Variants in DNAH14 observed in about 807,000 individuals in gnomAD.
The protein encoded by DNAH14 is axonemal beta dynein heavy chain 14.
DNAH14 carries 478 observed loss-of-function variants against 520.9 expected under a neutral mutation model. That is an observed-to-expected ratio of 0.92 (90% CI 0.85 to 0.99). The LOEUF (loss-of-function observed/expected upper bound fraction) is 0.99, where lower values mean the gene tolerates loss of function less well. DNAH14 is among the 50% of genes least tolerant of loss of function. The pLI, the probability that DNAH14 is intolerant of heterozygous loss-of-function variation, is 0.00. For synonymous variants in DNAH14, 1,581 were observed against 1,757.2 expected (o/e 0.90, Z 2.51); for missense variants, 4,831 against 5,234.5 (o/e 0.92, Z 2.38).
intron 30 of DNAH14, 82 bp from the exon 31 acceptor site, chr1:225,147,022 G>A (rs1266208465): frequency 3.5e-6 from 4 of 1,135,102 alleles, no homozygotes; most frequent in African/African-American, 1.6e-5. Flanking sequence ...AGCATGGGGA[G>A]AACACATACA....
chr1:225,113,622 G>C (rs1378383794), intron 23 of DNAH14, among the ~76,000 whole-genome samples: 1 of 152,196 alleles, frequency 6.6e-6, no homozygotes, highest in Non-Finnish European at 1.5e-5. Context: ...CTGGGAACCA[G>C]TATCTATAGT....
At chr1:224,976,146 C>G (rs2061822470) in intron 8 of DNAH14, among the ~76,000 whole-genome samples, 1 of 151,882 alleles carries the variant, frequency 6.6e-6, no homozygotes. Flanking sequence ...TTACTTCCAA[C>G]TATGTGGTCA....
At chr1:225,216,054 T>C (rs1187439726) in intron 41 of DNAH14, among the ~76,000 whole-genome samples, 1 of 152,232 alleles carries the variant, frequency 6.6e-6, no homozygotes, top group Admixed American at 6.5e-5. Context: ...TTTCCATGTT[T>C]AGTGCTTCCT....
At chr1:224,986,099 C>T (rs2062616048) in intron 8 of DNAH14, among the ~76,000 whole-genome samples, 1 of 151,662 alleles carries the variant, frequency 6.6e-6, no homozygotes, top group African/African-American at 2.4e-5. Context: ...CCTGAAAATA[C>T]CAGTAACAAG....
chr1:225,285,268 G>A (rs1392657532), intron 54 of DNAH14, among the ~76,000 whole-genome samples: 1 of 152,158 alleles, frequency 6.6e-6, no homozygotes, highest in African/African-American at 2.4e-5. Flanking sequence ...AAATAAACAG[G>A]CCAGGCATGG....
At chr1:225,030,230 A>G (rs2066428947) in intron 11 of DNAH14, among the ~76,000 whole-genome samples, 1 of 151,886 alleles carries the variant, frequency 6.6e-6, no homozygotes, top group South Asian at 2.1e-4. Flanking sequence ...ACACAACATA[A>G]CAAAACTTAC....
intron 27 of DNAH14, among the ~76,000 whole-genome samples, chr1:225,139,917 T>C (rs147125390): frequency 4.9e-4 from 75 of 152,358 alleles, no homozygotes; most frequent in African/African-American, 1.7e-3. Flanking sequence ...TTTGATCTGC[T>C]CATCATGAGC....
At chr1:225,193,655 A>C (rs75267807) in intron 38 of DNAH14, among the ~76,000 whole-genome samples, 1 of 152,302 alleles carries the variant, frequency 6.6e-6, no homozygotes, top group East Asian at 1.9e-4. Context: ...AAGGATGCCC[A>C]CTATCACTAC....
At chr1:225,204,718 G>A (rs1480108) in intron 39 of DNAH14, among the ~76,000 whole-genome samples, 3,235 of 152,292 alleles carry the variant, frequency 0.021, 90 homozygotes, top group African/African-American at 0.062. Context: ...CTATGTGCCA[G>A]TGGGACAAAA....
chr1:224,978,970 A>G (rs756843271), intron 8 of DNAH14, among the ~76,000 whole-genome samples: 2 of 152,172 alleles, frequency 1.3e-5, no homozygotes, highest in Admixed American at 6.5e-5. Flanking sequence ...AATGTTATCA[A>G]GTCAAAGAAA....
Position 225,102,115 on chromosome 1 carries a change from C to A in DNAH14, c.3867+1231C>A, listed in dbSNP as rs1411144943. On this transcript the variant is annotated intron_variant, in intron 23 of 85. Coordinates refer to ENST00000682510, the MANE Select transcript of DNAH14 (RefSeq NM_001367479.1). ...TCCATGTGTTCTCATTGTTCAATTC[C>A]CACCTATGAGTGAGAACATGCGGTG... 3.4e-5 allele frequency among the ~76,000 whole-genome samples: 5 copies of A among 147,632 alleles called. No homozygotes were observed. The Admixed American group carries it at 3.5e-4, about 10-fold the overall frequency.
intron 1 of DNAH14, 59 bp downstream of exon 1, chr1:224,929,894 C>A: frequency 1.6e-6 from 1 of 609,522 alleles, no homozygotes; most frequent in Non-Finnish European, 2.9e-6. Flanking sequence ...GCGGGCGGCG[C>A]GTGGGGCAGC....
Position 225,335,445 on chromosome 1 carries a change from A to G in DNAH14, c.10081-1821A>G, listed in dbSNP as rs1211396353. ...TATGCACGTGTGTACATGTGTGTGT[A>G]TGCACATATGCACGTGTGTACATGT... On this transcript the variant is annotated intron_variant, in intron 66 of 85. Coordinates refer to ENST00000682510, the MANE Select transcript of DNAH14 (RefSeq NM_001367479.1). Among the ~76,000 whole-genome samples, 48 of 108,204 alleles carry G rather than the reference A, an allele frequency of 4.4e-4. 7 individuals are homozygous for G. Among genetic ancestry groups the G allele is most frequent in the South Asian group, 2.1e-3 (7 of 3,288 alleles). 71.0% of individuals were successfully genotyped at this position (108,204 alleles called of 152,430 possible).
At chr1:225,193,037 G>T in intron 38 of DNAH14, 126 bp downstream of exon 38, 1 of 738,270 alleles carries the variant, frequency 1.4e-6, no homozygotes, top group Non-Finnish European at 2.0e-6. Flanking sequence ...AAAATCTTAT[G>T]AATAGTTTTT....
Position 225,085,593 on chromosome 1 carries a change from A to G in DNAH14, c.3377A>G (p.Asn1126Ser). The change falls in exon 21 of 86, where the codon AAT (asparagine) becomes AGT (serine). Residue 1126 changes from asparagine to serine, a missense_variant. Physicochemically the swap from Asn to Ser is conservative, Grantham distance 46. Transcript: ENST00000682510. Reference protein sequence around the residue: ...EINDMSTSATNEAALEKMLFK... With the variant: ...EINDMSTSATSEAALEKMLFK... ...AATGATATGTCAACCTCAGCAACTA[A>G]TGAAGCTGCTCTTGAAAAAATGCTA... is the stretch of plus-strand genomic sequence containing the variant. 1.3e-6 allele frequency: 2 copies of G among 1,549,116 alleles called. No individual in the cohort carries two copies. Among genetic ancestry groups the G allele is most frequent in the Non-Finnish European group, 1.7e-6 (2 of 1,144,826 alleles).
At chr1:224,999,188 A>AT (rs2063586548) in intron 8 of DNAH14, among the ~76,000 whole-genome samples, 1 of 151,504 alleles carries the variant, frequency 6.6e-6, no homozygotes, top group African/African-American at 2.4e-5. Flanking sequence ...TGTGCCATGG[A>AT]TTTTTTTGTT....
At chr1:225,092,791 A>G (rs1307240975) in intron 21 of DNAH14, among the ~76,000 whole-genome samples, 1 of 152,116 alleles carries the variant, frequency 6.6e-6, no homozygotes, top group East Asian at 1.9e-4. Context: ...TCATAAGAAA[A>G]AAAAATAGAG....
intron 41 of DNAH14, among the ~76,000 whole-genome samples, chr1:225,214,749 T>C (rs2089032206): frequency 6.6e-6 from 1 of 152,244 alleles, no homozygotes; most frequent in African/African-American, 2.4e-5. Flanking sequence ...GGATTGGTGG[T>C]GATATCCCCT....
chr1:225,245,357 G>A (rs529855694), intron 43 of DNAH14, among the ~76,000 whole-genome samples: 2 of 152,238 alleles, frequency 1.3e-5, no homozygotes, highest in South Asian at 2.1e-4. Context: ...ATGTCTATTA[G>A]GTTCATTTGG....
Sources: allele counts gnomAD v4.1 joint callset (sites outside exome capture counted in the v4.1 genomes callset), GRCh38; gene constraint gnomAD v4.1.1; transcripts MANE v1.5; gene names NCBI Gene and HGNC (gene_info 2026-07-23, HGNC 2026-07-21).